The following WWOX variants were observed in gnomAD, a reference collection of about 807,000 sequenced individuals.
The protein encoded by WWOX is WW domain-containing oxidoreductase.
In WWOX, 69 loss-of-function variants were observed where a neutral mutation model predicts 46.2. The observed-to-expected ratio is 1.49, with a 90% CI of 1.23 to 1.82. WWOX has a LOEUF of 1.82. Among genes scored for constraint, WWOX ranks in the 40% most tolerant of loss-of-function variants. The pLI is 0.00. For missense variants in WWOX, 919 were observed against 542.6 expected, an observed-to-expected ratio of 1.69 and a Z score of -6.89; for synonymous variants, 359 against 202.6, an observed-to-expected ratio of 1.77 and a Z score of -6.56.
chr16:79,090,811 G>A (rs2048944507), intron 8 of WWOX, among the ~76,000 whole-genome samples: 1 of 152,170 alleles, frequency 6.6e-6, no homozygotes, highest in Non-Finnish European at 1.5e-5. Context: ...CTCTGTTTTG[G>A]TTATTTTGTT....
chr16:78,935,175 C>T (rs2045709612), intron 8 of WWOX, among the ~76,000 whole-genome samples: 1 of 152,124 alleles, frequency 6.6e-6, no homozygotes, highest in South Asian at 2.1e-4. Flanking sequence ...ACCAGTTCAA[C>T]CATTGTGGAA....
At chr16:78,690,906 C>G (rs1015664866) in intron 8 of WWOX, among the ~76,000 whole-genome samples, 1 of 152,116 alleles carries the variant, frequency 6.6e-6, no homozygotes, top group Non-Finnish European at 1.5e-5. Context: ...TCAAATATTG[C>G]AGGTGGCCGA....
intron 8 of WWOX, among the ~76,000 whole-genome samples, chr16:78,717,006 TC>T (rs1444047938): frequency 6.6e-6 from 1 of 152,180 alleles, no homozygotes; most frequent in Non-Finnish European, 1.5e-5. Context: ...TAATAACACC[TC>T]CCATGGTTGT....
chr16:78,792,309 C>G (rs2050626078), intron 8 of WWOX, among the ~76,000 whole-genome samples: 1 of 152,116 alleles, frequency 6.6e-6, no homozygotes, highest in Admixed American at 6.6e-5. Context: ...TAACCCAGCC[C>G]CACCTTGGAT....
At chr16:78,257,845 G>T (rs539757942) in intron 5 of WWOX, among the ~76,000 whole-genome samples, 3 of 152,234 alleles carry the variant, frequency 2.0e-5, no homozygotes, top group Admixed American at 1.3e-4. Context: ...TTTATGTGAC[G>T]TGGGACAAAT....
intron 5 of WWOX, among the ~76,000 whole-genome samples, chr16:78,311,810 T>G (rs950073864): frequency 6.6e-6 from 1 of 152,194 alleles, no homozygotes; most frequent in Non-Finnish European, 1.5e-5. Context: ...TTCATTTTTC[T>G]GTGGCTGCCA....
chr16:78,835,994 A>T (rs2051971698), intron 8 of WWOX, among the ~76,000 whole-genome samples: 1 of 152,190 alleles, frequency 6.6e-6, no homozygotes. Flanking sequence ...AAGCCTCGTT[A>T]TTCTTGTTCC....
intron 5 of WWOX, among the ~76,000 whole-genome samples, chr16:78,233,521 T>G (rs1210258842): frequency 7.8e-6 from 1 of 127,516 alleles, no homozygotes; most frequent in African/African-American, 3.1e-5. Flanking sequence ...CTTTGATGAT[T>G]AAATTTTTTT....
chr16:78,806,842 A>G (rs1436004704), intron 8 of WWOX, among the ~76,000 whole-genome samples: 1 of 152,144 alleles, frequency 6.6e-6, no homozygotes, highest in South Asian at 2.1e-4. Flanking sequence ...GCCACTTTTG[A>G]AAGATGCAGT....
intron 8 of WWOX, among the ~76,000 whole-genome samples, chr16:78,952,060 A>C (rs1166593063): frequency 6.6e-6 from 1 of 152,116 alleles, no homozygotes; most frequent in Non-Finnish European, 1.5e-5. Flanking sequence ...ACAGACCCCT[A>C]ATCATAACCT....
rs114747560 is a variant in WWOX, at chr16:78,845,862, C to A, written c.1057-365746C>A. ...AGTGAATATGAGAGTGAATATTCTGCACGTCCATTTTAATGACCTTGTGCC... is the reference window on the plus strand; with the variant it reads ...AGTGAATATGAGAGTGAATATTCTGAACGTCCATTTTAATGACCTTGTGCC... On this transcript the variant is annotated intron_variant, in intron 8 of 8. Coordinates refer to ENST00000566780, the MANE Select transcript of WWOX (RefSeq NM_016373.4). 9.4e-3 allele frequency among the ~76,000 whole-genome samples: 1,431 copies of A among 152,298 alleles called. 21 individuals carry two copies. Among genetic ancestry groups the A allele is most frequent in the African/African-American group, 0.033 (1,369 of 41,538 alleles).
chr16:79,030,678 A>G (rs1017269497), intron 8 of WWOX, among the ~76,000 whole-genome samples: 8 of 152,188 alleles, frequency 5.3e-5, no homozygotes, highest in Non-Finnish European at 1.2e-4. Flanking sequence ...GGGTCTTGAA[A>G]TCTTGGGCTC....
chr16:78,177,689 C>G lies in WWOX; in HGVS notation c.516+13400C>G, dbSNP rs1218145421. Among the ~76,000 whole-genome samples the G allele has an allele frequency of 6.6e-5, 10 of 152,160 alleles. No homozygotes were observed. In the East Asian group the frequency reaches 1.3e-3, roughly 21 times the overall value. ...GTCTTAGGAGAATAGACTTTATTCT[C>G]TAGGTCCTGGCAGCCATCACTGGCT... is the stretch of plus-strand genomic sequence containing the variant. On this transcript the variant is annotated intron_variant, in intron 5 of 8. Transcript: ENST00000566780.
chr16:78,969,435 C>G (rs573225028), intron 8 of WWOX, among the ~76,000 whole-genome samples: 2 of 152,028 alleles, frequency 1.3e-5, no homozygotes, highest in African/African-American at 2.4e-5. Context: ...CCATGCCCAG[C>G]TAATTTTGTA....
intron 8 of WWOX, chr16:79,016,300 T>C (rs1027921692): frequency 3.3e-5 from 5 of 152,292 alleles, no homozygotes; most frequent in African/African-American, 1.2e-4. Context: ...CTCCCACTGA[T>C]GAGATGCGGT....
At chr16:78,370,896 A>C (rs1038424926) in intron 5 of WWOX, among the ~76,000 whole-genome samples, 3 of 150,512 alleles carry the variant, frequency 2.0e-5, no homozygotes, top group Non-Finnish European at 4.4e-5. Context: ...ACAAAATGGA[A>C]GATGGCCAAC....
chr16:79,157,034 G>T (rs998308017), intron 8 of WWOX, among the ~76,000 whole-genome samples: 1 of 152,182 alleles, frequency 6.6e-6, no homozygotes, highest in Non-Finnish European at 1.5e-5. Flanking sequence ...TGGTAAAATG[G>T]CCCTGGCCAT....
chr16:78,287,240 T>G (rs187961778), intron 5 of WWOX, among the ~76,000 whole-genome samples: 1 of 152,390 alleles, frequency 6.6e-6, no homozygotes, highest in Admixed American at 6.5e-5. Context: ...TTGTTGTTGT[T>G]GTTTTTTCTT....
intron 8 of WWOX, among the ~76,000 whole-genome samples, chr16:78,618,585 A>G (rs2046088156): frequency 6.6e-6 from 1 of 152,186 alleles, no homozygotes; most frequent in African/African-American, 2.4e-5. Flanking sequence ...ACACAGTCAC[A>G]TTGTGAGGTA....
Sources: allele counts gnomAD v4.1 joint callset (sites outside exome capture counted in the v4.1 genomes callset), GRCh38; gene constraint gnomAD v4.1.1; transcripts MANE v1.5; gene names NCBI Gene and HGNC (gene_info 2026-07-23, HGNC 2026-07-21).